The following FRMD4B variants were observed in gnomAD, a reference collection of about 807,000 sequenced individuals.
FRMD4B encodes the protein FERM domain containing 4B, also known as FERM domain-containing protein 4B.
A neutral mutation model predicts 141.5 loss-of-function variants in FRMD4B; 74 were observed. The observed-to-expected ratio is 0.52, with a 90% CI of 0.43 to 0.63. The LOEUF (loss-of-function observed/expected upper bound fraction) is 0.63. Ranked by LOEUF, FRMD4B falls within the 30% of genes least tolerant of loss-of-function variation. The pLI, the probability that FRMD4B is intolerant of heterozygous loss-of-function variation, is 0.00. For missense variants in FRMD4B, 1,366 were observed against 1,253.4 expected, an observed-to-expected ratio of 1.09 and a Z score of -1.36; for synonymous variants, 506 against 467.9, an observed-to-expected ratio of 1.08 and a Z score of -1.05.
chr3:69,498,985 G>A (rs1365639747), intron 1 of FRMD4B, among the ~76,000 whole-genome samples: 3 of 152,080 alleles, frequency 2.0e-5, no homozygotes, highest in Non-Finnish European at 2.9e-5. Flanking sequence ...AATAAAACAG[G>A]ACAGTGTGAT....
intron 5 of FRMD4B, among the ~76,000 whole-genome samples, chr3:69,268,312 C>T (rs759700576): frequency 3.6e-4 from 54 of 152,088 alleles, no homozygotes; most frequent in South Asian, 6.2e-4. Flanking sequence ...GGCAGGCAGC[C>T]TAAATAGGTC....
chr3:69,286,047 T>C (rs1457227277), intron 5 of FRMD4B, among the ~76,000 whole-genome samples: 1 of 152,180 alleles, frequency 6.6e-6, no homozygotes, highest in African/African-American at 2.4e-5. Context: ...AAGAATCCTA[T>C]ATCATGTGAA....
intron 1 of FRMD4B, among the ~76,000 whole-genome samples, chr3:69,465,290 A>T (rs1705764584): frequency 6.6e-6 from 1 of 150,722 alleles, no homozygotes; most frequent in Non-Finnish European, 1.5e-5. Context: ...ACTGCGCTCC[A>T]GCCTGGGTAA....
intron 11 of FRMD4B, among the ~76,000 whole-genome samples, chr3:69,212,817 C>T (rs2093099855): frequency 6.6e-6 from 1 of 152,078 alleles, no homozygotes; most frequent in African/African-American, 2.4e-5. Context: ...TCAGAAAAAC[C>T]AGTAAGACTC....
intron 2 of FRMD4B, among the ~76,000 whole-genome samples, chr3:69,408,701 GAGCTGGAGCCAGCA>G (rs1434115072): frequency 6.6e-6 from 1 of 152,160 alleles, no homozygotes; most frequent in Admixed American, 6.5e-5. Flanking sequence ...CAGCTCTGCT[GAGCTGGAGCCAGCA>G]GCATTTGGAG....
At chr3:69,470,833 A>G (rs149425983) in intron 1 of FRMD4B, among the ~76,000 whole-genome samples, 3 of 152,340 alleles carry the variant, frequency 2.0e-5, no homozygotes, top group African/African-American at 7.2e-5. Context: ...CATATGATCA[A>G]TTTGCACAAT....
At chr3:69,492,575 C>T (rs979274308) in intron 1 of FRMD4B, among the ~76,000 whole-genome samples, 4 of 152,124 alleles carry the variant, frequency 2.6e-5, no homozygotes, top group Admixed American at 1.3e-4. Flanking sequence ...AATTGAGGGA[C>T]CTTGCTATGT....
At chr3:69,262,345 C>T (rs936323612) in intron 5 of FRMD4B, among the ~76,000 whole-genome samples, 4 of 151,908 alleles carry the variant, frequency 2.6e-5, no homozygotes, top group Non-Finnish European at 5.9e-5. Flanking sequence ...CAGCAATTTT[C>T]TCCTAAGTAT....
intron 1 of FRMD4B, among the ~76,000 whole-genome samples, chr3:69,445,467 C>G (rs1356893967): frequency 3.9e-5 from 6 of 152,164 alleles, no homozygotes; most frequent in Non-Finnish European, 8.8e-5. Flanking sequence ...ATTCTTCCTC[C>G]GCATCATCCC....
rs535790758 is a variant in FRMD4B, at chr3:69,201,230, G to A, written c.877-2456C>T. On this transcript the variant is annotated intron_variant, in intron 11 of 22. Coordinates refer to ENST00000398540, the MANE Select transcript of FRMD4B (RefSeq NM_015123.3). ...TATGTGCATATAATAATATAAATGTGGATTGGAATGATACAAAATTCAGTG... is the reference window on the plus strand; with the variant it reads ...TATGTGCATATAATAATATAAATGTAGATTGGAATGATACAAAATTCAGTG... 1.4e-3 allele frequency among the ~76,000 whole-genome samples: 214 copies of A among 151,982 alleles called. 2 individuals are homozygous for A. Among genetic ancestry groups the A allele is most frequent in the African/African-American group, 4.8e-3 (201 of 41,448 alleles).
chr3:69,410,588 C>T (rs926558942), intron 2 of FRMD4B, among the ~76,000 whole-genome samples: 5 of 150,922 alleles, frequency 3.3e-5, no homozygotes, highest in Non-Finnish European at 7.4e-5. Context: ...CAGGCATGGC[C>T]CAGAAACGGC....
chr3:69,490,777 C>T (rs1376857780), intron 1 of FRMD4B, among the ~76,000 whole-genome samples: 1 of 152,134 alleles, frequency 6.6e-6, no homozygotes, highest in South Asian at 2.1e-4. Flanking sequence ...TCACAGCTGT[C>T]CCCACCACAC....
At chr3:69,213,252 C>A (rs1056987271) in intron 11 of FRMD4B, among the ~76,000 whole-genome samples, 5 of 151,344 alleles carry the variant, frequency 3.3e-5, no homozygotes, top group African/African-American at 1.2e-4. Context: ...TTAACAGTTG[C>A]TGGTTGTCAT....
chr3:69,435,653 A>C (rs945105218), intron 1 of FRMD4B, among the ~76,000 whole-genome samples: 3 of 152,194 alleles, frequency 2.0e-5, no homozygotes, highest in Non-Finnish European at 4.4e-5. Context: ...TTACAGAGAA[A>C]GTTTGCCAAC....
At chr3:69,294,065 C>A (rs761656391) in intron 4 of FRMD4B, among the ~76,000 whole-genome samples, 1 of 152,204 alleles carries the variant, frequency 6.6e-6, no homozygotes, top group Non-Finnish European at 1.5e-5. Context: ...TTTCCCAGGG[C>A]CTTTGCGAGG....
intron 1 of FRMD4B, among the ~76,000 whole-genome samples, chr3:69,456,414 A>G (rs1296407212): frequency 6.6e-6 from 1 of 152,226 alleles, no homozygotes; most frequent in African/African-American, 2.4e-5. Flanking sequence ...GGTTTTTCAT[A>G]AAGCCTTAGT....
chr3:69,497,417 C>A (rs554414017), intron 1 of FRMD4B, among the ~76,000 whole-genome samples: 2 of 152,190 alleles, frequency 1.3e-5, no homozygotes, highest in East Asian at 3.9e-4. Flanking sequence ...CTGAAAGTTA[C>A]CACAAAAGAA....
intron 1 of FRMD4B, among the ~76,000 whole-genome samples, chr3:69,327,859 C>T (rs1183102283): frequency 6.6e-6 from 1 of 152,168 alleles, no homozygotes. Flanking sequence ...AATATTTCCT[C>T]TCAACTTACA....
chr3:69,275,769 T>G (rs1206559010), intron 5 of FRMD4B, among the ~76,000 whole-genome samples: 1 of 152,106 alleles, frequency 6.6e-6, no homozygotes, highest in East Asian at 1.9e-4. Flanking sequence ...GAGGTAAATT[T>G]TAATGAATAT....
Sources: gnomAD v4.1 joint callset for allele counts (sites outside exome capture counted in the v4.1 genomes callset) on GRCh38, gnomAD v4.1.1 for gene constraint, MANE v1.5 for transcripts, NCBI Gene and HGNC (gene_info 2026-07-23, HGNC 2026-07-21) for gene names.